The following VPS13D variants were observed in gnomAD, a reference collection of about 807,000 sequenced individuals.
VPS13D encodes vacuolar protein sorting 13 homolog D, also known as intermembrane lipid transfer protein VPS13D.
A neutral mutation model predicts 461.9 loss-of-function variants in VPS13D; 187 were observed. The observed-to-expected ratio is 0.40, with a 90% CI of 0.36 to 0.46. The LOEUF (loss-of-function observed/expected upper bound fraction) is 0.46. Ranked by LOEUF, VPS13D falls within the 20% of genes least tolerant of loss-of-function variation. VPS13D has a pLI of 0.60. For synonymous variants in VPS13D, 1,951 were observed against 1,986.3 expected (o/e 0.98, Z 0.47); for missense variants, 4,711 against 5,364.9 (o/e 0.88, Z 3.81).
rs1643068356 is a variant in VPS13D, at chr1:12,322,549, C to T, written c.7718C>T (p.Ala2573Val). 2 of 1,614,014 alleles carry T rather than the reference C, an allele frequency of 1.2e-6. No individual in the cohort carries two copies. Among genetic ancestry groups the T allele is most frequent in the East Asian group, 2.2e-5 (1 of 44,898 alleles). The change falls in exon 34 of 70, where the codon GCC becomes GTC. Residue 2573 changes from alanine (A) to valine (V), a missense_variant. This residue lies in a region of VPS13D where 4,411 missense variants were observed against 4,937.8 expected (regional missense o/e 0.89). Coordinates refer to ENST00000620676, the MANE Select transcript of VPS13D (RefSeq NM_015378.4). ...ACATTTTGTTAGATTCAGTTACAAG[C>T]CCTGGATATCAGACTCTCCTATAAT... ...FPPVLEIQLQ[A>V]LDIRLSYNDV...
At chr1:12,250,287 T>G (rs1421084199) in intron 6 of VPS13D, among the ~76,000 whole-genome samples, 2 of 152,196 alleles carry the variant, frequency 1.3e-5, no homozygotes, top group Non-Finnish European at 2.9e-5. Flanking sequence ...TCTAATTACT[T>G]GATCTTTCTG....
chr1:12,310,204 T>C (rs1642693690), intron 27 of VPS13D, among the ~76,000 whole-genome samples: 1 of 152,196 alleles, frequency 6.6e-6, no homozygotes, highest in South Asian at 2.1e-4. Context: ...AAGGTGATGC[T>C]GAATGCAAGG....
intron 65 of VPS13D, among the ~76,000 whole-genome samples, chr1:12,422,116 A>G (rs1644872259): frequency 6.6e-6 from 1 of 152,196 alleles, no homozygotes; most frequent in African/African-American, 2.4e-5. Flanking sequence ...CACTTGAGCC[A>G]CTGCGCCCAG....
intron 58 of VPS13D, among the ~76,000 whole-genome samples, chr1:12,384,548 G>GA (rs1266876349): frequency 6.6e-6 from 1 of 151,646 alleles, no homozygotes; most frequent in Non-Finnish European, 1.5e-5. Context: ...CAGAACAAAG[G>GA]AAAAAAAAGA....
intron 57 of VPS13D, among the ~76,000 whole-genome samples, chr1:12,379,999 A>G (rs1644251949): frequency 1.3e-5 from 2 of 152,028 alleles, no homozygotes; most frequent in South Asian, 2.1e-4. Flanking sequence ...TCGATCTCCT[A>G]ACCTCGTTAT....
chr1:12,266,784 C>A, intron 13 of VPS13D, 97 bp from the exon 14 acceptor site: 1 of 1,102,150 alleles, frequency 9.1e-7, no homozygotes, highest in Non-Finnish European at 1.2e-6. Context: ...AATAGTTCAT[C>A]TATAATAATC....
chr1:12,478,718 C>G (rs897696262), intron 67 of VPS13D: 1 of 449,940 alleles, frequency 2.2e-6, no homozygotes, highest in Non-Finnish European at 4.5e-6. Context: ...TCTGGAGAAG[C>G]AAAGCAGTCT....
At position 12,300,756 on chromosome 1, in the gene VPS13D, G is replaced by T. The variant is rs117027674; in HGVS notation, c.6216+1372G>T. On this transcript the variant is annotated intron_variant, in intron 25 of 69. Coordinates refer to ENST00000620676, the MANE Select transcript of VPS13D (RefSeq NM_015378.4). ...GTAATTCACAGACCCTTAAAGCTGA[G>T]AGGACCTTTTAGATGGTCCGATTAG... Among the ~76,000 whole-genome samples, 23 of 152,264 alleles carry T rather than the reference G, an allele frequency of 1.5e-4. No homozygotes were observed. In the East Asian group the frequency reaches 4.4e-3, roughly 29 times the overall value.
intron 30 of VPS13D, among the ~76,000 whole-genome samples, chr1:12,317,448 G>T (rs140850359): frequency 1.3e-5 from 2 of 151,956 alleles, no homozygotes; most frequent in Non-Finnish European, 2.9e-5. Context: ...CACTATCAAC[G>T]TTTTGGGTCA....
At chr1:12,460,167 G>A (rs780126519) in intron 66 of VPS13D, 34 bp from the exon 67 acceptor site, 16 of 1,505,786 alleles carry the variant, frequency 1.1e-5, no homozygotes, top group African/African-American at 4.3e-5. Context: ...TTTTGTCCTC[G>A]TCAGGTTACA....
rs1478223954 is a variant in VPS13D, at chr1:12,305,865, T to G, written c.6439+1137T>G. Among the ~76,000 whole-genome samples the G allele has an allele frequency of 3.3e-5, 5 of 152,206 alleles. No individual in the cohort carries two copies. The East Asian group carries it at 9.6e-4, about 29-fold the overall frequency. On this transcript the variant is annotated intron_variant, in intron 26 of 69. Transcript: ENST00000620676. ...TGATCATTTAACAAGATAATTTTCA[T>G]CCCCGTAGTAGTAGTTGTGAAACAC...
Position 12,349,328 on chromosome 1 carries a change from A to G in VPS13D, c.9385A>G (p.Lys3129Glu), listed in dbSNP as rs751731028. The change falls in exon 46 of 70, where the codon AAA becomes GAA. Residue 3129 changes from lysine to glutamate, a missense_variant. Lys to Glu is a moderately conservative substitution (Grantham distance 56). This residue lies in a region of VPS13D where 4,411 missense variants were observed against 4,937.8 expected (regional missense o/e 0.89). Transcript: ENST00000620676. Reference sequence around the variant, plus strand: ...GAAGACTGCAGAAATTAGTAGCAGTAAACGAGAGTGCCACTCTATGGACAC... The same window carrying G: ...GAAGACTGCAGAAATTAGTAGCAGTGAACGAGAGTGCCACTCTATGGACAC... ...VVKTAEISSS[K>E]RECHSMDTEK... The G allele has an allele frequency of 6.2e-7, 1 of 1,614,228 alleles. No individual in the cohort carries two copies. Among genetic ancestry groups the G allele is most frequent in the South Asian group, 1.1e-5 (1 of 91,086 alleles).
chr1:12,459,843 C>T (rs1645384451), intron 66 of VPS13D, among the ~76,000 whole-genome samples: 2 of 152,122 alleles, frequency 1.3e-5, no homozygotes, highest in South Asian at 2.1e-4. Flanking sequence ...TTTCTAGTCT[C>T]CTGTTGATTT....
At chr1:12,434,733 A>G (rs1008706118) in intron 65 of VPS13D, among the ~76,000 whole-genome samples, 1 of 152,192 alleles carries the variant, frequency 6.6e-6, no homozygotes, top group Non-Finnish European at 1.5e-5. Context: ...AGCCTTTATT[A>G]TATTATTCTG....
At chr1:12,290,616 G>A (rs1232627989) in intron 22 of VPS13D, among the ~76,000 whole-genome samples, 1 of 151,806 alleles carries the variant, frequency 6.6e-6, no homozygotes, top group Non-Finnish European at 1.5e-5. Flanking sequence ...CAGCTACTCG[G>A]CGGGGCTGAG....
intron 18 of VPS13D, 103 bp downstream of exon 18, chr1:12,273,238 A>ATATGTAACATTTTT (rs1328551609): frequency 2.9e-6 from 4 of 1,385,810 alleles, no homozygotes; most frequent in Non-Finnish European, 2.9e-6. Context: ...TAACATTTTT[A>ATATGTAACATTTTT]TATGTAACAT....
At chr1:12,395,996 G>GATAGAT (rs1553187935) in intron 60 of VPS13D, among the ~76,000 whole-genome samples, 1 of 73,806 alleles carries the variant, frequency 1.4e-5, no homozygotes, top group Admixed American at 1.7e-4. Flanking sequence ...ACTAATAGGA[G>GATAGAT]ATATATATAT....
chr1:12,318,457 T>G (rs1642947660), intron 31 of VPS13D, 120 bp downstream of exon 31: 1 of 1,285,204 alleles, frequency 7.8e-7, no homozygotes, highest in Non-Finnish European at 1.1e-6. Flanking sequence ...CACATTTGCC[T>G]CTTTTACAGA....
At chr1:12,351,377 G>A (rs137999476) in intron 46 of VPS13D, among the ~76,000 whole-genome samples, 338 of 152,192 alleles carry the variant, frequency 2.2e-3, no homozygotes, top group African/African-American at 7.6e-3. Flanking sequence ...TGCAACCTCC[G>A]CCTCTTGGAT....
Sources: gnomAD v4.1 joint callset for allele counts (sites outside exome capture counted in the v4.1 genomes callset) on GRCh38, gnomAD v4.1.1 for gene constraint, gnomAD v4.1.1 regional missense constraint, MANE v1.5 for transcripts, NCBI Gene and HGNC (gene_info 2026-07-23, HGNC 2026-07-21) for gene names.